CDH4: variants seen among roughly 807,000 people sequenced by gnomAD.
CDH4 encodes cadherin-4.
Under a neutral mutation model 86.0 loss-of-function variants are expected in CDH4, and 33 were observed. That is an observed-to-expected ratio of 0.38 (90% CI 0.29 to 0.51). CDH4 has a LOEUF of 0.51. CDH4 is among the 20% of genes least tolerant of loss of function. The probability of loss-of-function intolerance (pLI) is 0.86; values close to 1 mark genes in which losing one functional copy is unlikely to be tolerated. For missense variants in CDH4, 1,114 were observed against 1,307.4 expected (o/e 0.85, Z 2.28); for synonymous variants, 555 against 549.4 (o/e 1.01, Z -0.14).
At chr20:61,794,780 G>A (rs980565194) in intron 4 of CDH4, among the ~76,000 whole-genome samples, 3 of 152,156 alleles carry the variant, frequency 2.0e-5, no homozygotes, top group Non-Finnish European at 2.9e-5. Context: ...ACACAGTCCC[G>A]CAAGTGGGTC....
At chr20:61,531,806 G>T (rs567063984) in intron 2 of CDH4, among the ~76,000 whole-genome samples, 14 of 152,346 alleles carry the variant, frequency 9.2e-5, no homozygotes, top group Admixed American at 6.5e-4. Context: ...CTCTCAGAAT[G>T]CAGACTGGAA....
intron 4 of CDH4, among the ~76,000 whole-genome samples, chr20:61,778,852 G>C (rs1252087570): frequency 1.3e-5 from 2 of 152,196 alleles, no homozygotes; most frequent in Non-Finnish European, 2.9e-5. Flanking sequence ...GCCCTCCCTG[G>C]TCCAGAATTC....
At chr20:61,677,766 G>A (rs1046053573) in intron 2 of CDH4, among the ~76,000 whole-genome samples, 2 of 87,696 alleles carry the variant, frequency 2.3e-5, no homozygotes, top group African/African-American at 1.0e-4. Flanking sequence ...TGGATGGATG[G>A]TTAGATAGAT....
At chr20:61,388,343 C>A (rs2084963492) in intron 2 of CDH4, among the ~76,000 whole-genome samples, 1 of 152,150 alleles carries the variant, frequency 6.6e-6, no homozygotes, top group African/African-American at 2.4e-5. Flanking sequence ...AGACCACATA[C>A]CACTGCCCTT....
chr20:61,664,400 C>G (rs2087298878), intron 2 of CDH4, among the ~76,000 whole-genome samples: 1 of 152,208 alleles, frequency 6.6e-6, no homozygotes, highest in African/African-American at 2.4e-5. Flanking sequence ...GCAGAAACCA[C>G]AGCTGGGGCA....
In CDH4 at chr20:61,377,584, G is replaced by A. The variant is rs2145442346; in HGVS notation, c.169+122647G>A. Among the ~76,000 whole-genome samples, 1 of 152,348 alleles carries A rather than the reference G, an allele frequency of 6.6e-6. No individual in the cohort carries two copies. On this transcript the variant is annotated intron_variant, in intron 2 of 15. Transcript: ENST00000614565. This position sits in a 1 kb window ranked among gnomAD's most constrained non-coding sequence, Gnocchi z 4.0. ...AACCATTGCATGGTGCTTTTCTGTAGTCAACGAGTCGCTTTAGCTTTCAAA... is the reference window on the plus strand; with the variant it reads ...AACCATTGCATGGTGCTTTTCTGTAATCAACGAGTCGCTTTAGCTTTCAAA...
chr20:61,337,485 A>G (rs1439405345), intron 2 of CDH4, among the ~76,000 whole-genome samples: 1 of 151,888 alleles, frequency 6.6e-6, no homozygotes, highest in East Asian at 2.0e-4. Flanking sequence ...GATAATGTTG[A>G]CAATGACAAT....
chr20:61,605,128 G>A (rs2086632580), intron 2 of CDH4, among the ~76,000 whole-genome samples: 1 of 152,190 alleles, frequency 6.6e-6, no homozygotes, highest in Admixed American at 6.5e-5. Context: ...ATTAGGCAAT[G>A]AGTGTGAGTT....
At chr20:61,759,626 A>G (rs1386987086) in intron 3 of CDH4, among the ~76,000 whole-genome samples, 1 of 152,154 alleles carries the variant, frequency 6.6e-6, no homozygotes, top group Non-Finnish European at 1.5e-5. Flanking sequence ...AAAAAGTAAT[A>G]CATTTTCCCT....
At chr20:61,592,028 A>G (rs867257275) in intron 2 of CDH4, among the ~76,000 whole-genome samples, 24 of 152,156 alleles carry the variant, frequency 1.6e-4, no homozygotes, top group African/African-American at 4.8e-4. Flanking sequence ...CTATCTGCCT[A>G]ACAGTCAAAC....
intron 2 of CDH4, among the ~76,000 whole-genome samples, chr20:61,636,874 A>T (rs1161702503): frequency 6.6e-6 from 1 of 152,148 alleles, no homozygotes; most frequent in African/African-American, 2.4e-5. Context: ...GAGGGCAGCT[A>T]GCTGGGGGCC....
chr20:61,530,371 T>G (rs1208047863), intron 2 of CDH4, among the ~76,000 whole-genome samples: 1 of 152,128 alleles, frequency 6.6e-6, no homozygotes, highest in Non-Finnish European at 1.5e-5. Context: ...GTTGCCCCAG[T>G]GGCCCTTCCT....
At chr20:61,680,042 G>A (rs987660565) in intron 2 of CDH4, among the ~76,000 whole-genome samples, 2 of 152,306 alleles carry the variant, frequency 1.3e-5, no homozygotes, top group African/African-American at 4.8e-5. Flanking sequence ...TGGGGCACCC[G>A]GCGGAGAGGA....
intron 4 of CDH4, among the ~76,000 whole-genome samples, chr20:61,839,600 G>C (rs1196615941): frequency 6.6e-6 from 1 of 151,454 alleles, no homozygotes; most frequent in East Asian, 1.9e-4. Flanking sequence ...TGTGTATTGA[G>C]TGTATGTTGT....
At chr20:61,560,861 C>A (rs1287057085) in intron 2 of CDH4, among the ~76,000 whole-genome samples, 2 of 152,230 alleles carry the variant, frequency 1.3e-5, no homozygotes, top group South Asian at 4.1e-4. Context: ...TACTGGATCC[C>A]CCAGCCAGCG....
At chr20:61,422,610 G>C (rs767806137) in intron 2 of CDH4, among the ~76,000 whole-genome samples, 1 of 152,064 alleles carries the variant, frequency 6.6e-6, no homozygotes, top group African/African-American at 2.4e-5. Context: ...GTGTACATGA[G>C]CACAGAGTTC....
chr20:61,514,543 G>A (rs780228422), intron 2 of CDH4, among the ~76,000 whole-genome samples: 8 of 152,112 alleles, frequency 5.3e-5, no homozygotes, highest in East Asian at 1.9e-4. Flanking sequence ...CTCAGGGCTC[G>A]CTGGGTGCCT....
intron 2 of CDH4, among the ~76,000 whole-genome samples, chr20:61,555,105 GTA>G (rs1491321665): frequency 1.4e-4 from 21 of 146,498 alleles, no homozygotes; most frequent in South Asian, 4.2e-4. Context: ...AGTATGAGCC[GTA>G]TGTGTGTGTG....
At chr20:61,884,470 G>A (rs1176090931) in intron 7 of CDH4, among the ~76,000 whole-genome samples, 1 of 152,148 alleles carries the variant, frequency 6.6e-6, no homozygotes, top group African/African-American at 2.4e-5. Flanking sequence ...TTAAAGGGGT[G>A]AGCAGGGTGT....
Sources: allele counts gnomAD v4.1 joint callset (sites outside exome capture counted in the v4.1 genomes callset), GRCh38; gene constraint gnomAD v4.1.1; non-coding constraint Gnocchi (gnomAD v3.1); transcripts MANE v1.5; gene names NCBI Gene and HGNC (gene_info 2026-07-23, HGNC 2026-07-21).